Variants in RNASET2 observed in about 807,000 individuals in gnomAD.
The protein encoded by RNASET2 is ribonuclease 6.
A neutral mutation model predicts 33.9 loss-of-function variants in RNASET2; 28 were observed. The observed-to-expected ratio is 0.83, with a 90% CI of 0.61 to 1.13. The LOEUF (loss-of-function observed/expected upper bound fraction) is 1.13, where lower values mean the gene tolerates loss of function less well. Among genes scored for constraint, RNASET2 ranks in the 50% most tolerant of loss-of-function variants. The pLI, the probability that RNASET2 is intolerant of heterozygous loss-of-function variation, is 0.00. For synonymous variants in RNASET2, 123 were observed against 121.0 expected (o/e 1.02, Z -0.11); for missense variants, 330 against 319.9 (o/e 1.03, Z -0.24).
intron 2 of RNASET2, among the ~76,000 whole-genome samples, chr6:166,950,634 A>C (rs1778961089): frequency 6.6e-6 from 1 of 152,226 alleles, no homozygotes; most frequent in African/African-American, 2.4e-5. Context: ...CACACCGAGC[A>C]GGGTACGCCC....
At chr6:166,945,794 C>T (rs1437507882) in intron 4 of RNASET2, among the ~76,000 whole-genome samples, 4 of 146,764 alleles carry the variant, frequency 2.7e-5, no homozygotes, top group South Asian at 2.2e-4. Flanking sequence ...TGCGCCACTG[C>T]ACTCCAGCCT....
chr6:166,938,541 C>G (rs1194494351), intron 6 of RNASET2: 1 of 548,996 alleles, frequency 1.8e-6, no homozygotes, highest in Non-Finnish European at 3.7e-6. Context: ...TTCCGTCTTT[C>G]TAAGGAAACG....
At position 166,924,017 on chromosome 6, in the gene RNASET2, C is replaced by T. The variant is rs535291290; in HGVS notation, c.*5571G>A. On this transcript the variant is annotated 3_prime_UTR_variant, in exon 9 of 9. Transcript: ENST00000508775. ...AGTTCGCAGAAACAAAAAGTGAAAA[C>T]AGGCGATCTGCATGTTTCCTCATCT... is the stretch of plus-strand genomic sequence containing the variant. 1.6e-4 allele frequency among the ~76,000 whole-genome samples: 25 copies of T among 152,334 alleles called. No homozygotes were observed. Among genetic ancestry groups the T allele is most frequent in the Non-Finnish European group, 3.4e-4 (23 of 68,036 alleles).
intron 4 of RNASET2, among the ~76,000 whole-genome samples, chr6:166,945,843 A>AAAG (rs1554268874): frequency 1.3e-4 from 19 of 146,314 alleles, no homozygotes; most frequent in East Asian, 5.9e-4. Context: ...AAAAAAAAAA[A>AAAG]AAAAGAAAAG....
At chr6:166,948,756 A>G in intron 2 of RNASET2, 131 bp from the exon 3 acceptor site, 1 of 708,074 alleles carries the variant, frequency 1.4e-6, no homozygotes. Flanking sequence ...CACTAATAAC[A>G]CAAGCTAAAG....
chr6:166,944,843 C>G (rs1397116525), intron 4 of RNASET2, among the ~76,000 whole-genome samples: 1 of 152,070 alleles, frequency 6.6e-6, no homozygotes, highest in East Asian at 1.9e-4. Context: ...CGGGGCTCCA[C>G]CAGCACTGTC....
chr6:166,948,658 C>T lies in RNASET2; in HGVS notation c.148-33G>A, dbSNP rs1458365768. On this transcript the variant is annotated intron_variant, in intron 2 of 8. Transcript: ENST00000508775. Reference sequence around the variant, plus strand: ...GAAAATATAACAAGAAAATGATTGGCTCTTTGTTTATTCAAATACACTTAG... The same window carrying T: ...GAAAATATAACAAGAAAATGATTGGTTCTTTGTTTATTCAAATACACTTAG... 2.4e-6 allele frequency: 3 copies of T among 1,272,038 alleles called. No individual in the cohort carries two copies. The South Asian group carries it at 3.6e-5, about 15-fold the overall frequency. 78.8% of individuals were successfully genotyped at this position (1,272,038 alleles called of 1,614,324 possible).
At position 166,924,239 on chromosome 6, in the gene RNASET2, T is replaced by C. The variant is rs1376339259; in HGVS notation, c.*5349A>G. Among the ~76,000 whole-genome samples the C allele has an allele frequency of 6.6e-6, 1 of 152,190 alleles. No individual in the cohort carries two copies. Among genetic ancestry groups the C allele is most frequent in the Non-Finnish European group, 1.5e-5 (1 of 68,020 alleles). ...CCTCAGCCTCCCGAGTAGCTGGGACTACAGGTGCCCGCCACCATGCCCGGC... is the reference window on the plus strand; with the variant it reads ...CCTCAGCCTCCCGAGTAGCTGGGACCACAGGTGCCCGCCACCATGCCCGGC... On this transcript the variant is annotated 3_prime_UTR_variant, in exon 9 of 9. Coordinates refer to ENST00000508775, the MANE Select transcript of RNASET2 (RefSeq NM_003730.6).
In RNASET2 at chr6:166,931,193, G is replaced by A. The variant is rs562573577; in HGVS notation, c.493-75C>T. 4.6e-5 allele frequency: 48 copies of A among 1,054,312 alleles called. No individual in the cohort carries two copies. In the East Asian group the frequency reaches 7.1e-4, roughly 16 times the overall value. 65.3% of individuals were successfully genotyped at this position (1,054,312 alleles called of 1,614,324 possible). On this transcript the variant is annotated intron_variant, in intron 7 of 8. Transcript: ENST00000508775. Reference sequence around the variant, plus strand: ...CTGACAGTTCTGGACTATCCTGAGCGCAACAGTGGCAGGGTCCTGGTCTCC... The same window carrying A: ...CTGACAGTTCTGGACTATCCTGAGCACAACAGTGGCAGGGTCCTGGTCTCC...
intron 4 of RNASET2, among the ~76,000 whole-genome samples, chr6:166,944,738 A>G: frequency 6.6e-6 from 1 of 151,032 alleles, no homozygotes; most frequent in East Asian, 2.0e-4. Flanking sequence ...GGGGATATGC[A>G]GTCCTACGGT....
At chr6:166,930,610 A>ACATG (rs1778402790) in intron 8 of RNASET2, among the ~76,000 whole-genome samples, 1 of 150,876 alleles carries the variant, frequency 6.6e-6, no homozygotes, top group Non-Finnish European at 1.5e-5. Context: ...ACATGCATGT[A>ACATG]CATGCACACA....
intron 6 of RNASET2, 34 bp downstream of exon 6, chr6:166,938,861 C>T (rs1478536853): frequency 1.4e-6 from 2 of 1,480,562 alleles, no homozygotes; most frequent in South Asian, 1.1e-5. Context: ...GAGATCCCCA[C>T]TGGGAAGTGC....
chr6:166,931,291 T>A, intron 7 of RNASET2, 173 bp from the exon 8 acceptor site: 1 of 643,016 alleles, frequency 1.6e-6, no homozygotes, highest in Middle Eastern at 3.9e-4. Flanking sequence ...AAGCAGAGGA[T>A]GCTGTCAACC....
intron 7 of RNASET2, 96 bp from the exon 8 acceptor site, chr6:166,931,214 T>C (rs1778430572): frequency 2.2e-6 from 2 of 904,866 alleles, no homozygotes. Flanking sequence ...AGGGTCCTGG[T>C]CTCCCTTGGC....
chr6:166,955,343 ACACG>A (rs1225744438), intron 1 of RNASET2: 6 of 133,484 alleles, frequency 4.5e-5, no homozygotes, highest in South Asian at 1.0e-3. Flanking sequence ...ACGCACACGC[ACACG>A]CACGCACACA....
Position 166,955,235 on chromosome 6 carries a change from G to A in RNASET2, c.86+862C>T, listed in dbSNP as rs867409797. Among the ~76,000 whole-genome samples, 246 of 95,408 alleles carry A rather than the reference G, an allele frequency of 2.6e-3. 2 individuals are homozygous for A. Among genetic ancestry groups the A allele is most frequent in the African/African-American group, 9.2e-3 (185 of 20,168 alleles). The allele number at this position is 95,408 out of a possible 152,430, so 62.6% of individuals were successfully genotyped here. On this transcript the variant is annotated intron_variant, in intron 1 of 8. Coordinates refer to ENST00000508775, the MANE Select transcript of RNASET2 (RefSeq NM_003730.6). ...CACGCACACACGCGCACACACGCAC[G>A]CACGCACACACACGCACACACGCAC...
intron 6 of RNASET2, among the ~76,000 whole-genome samples, chr6:166,936,866 T>C (rs1019054919): frequency 2.6e-5 from 4 of 152,342 alleles, no homozygotes; most frequent in Admixed American, 2.0e-4. Context: ...ATGAATTATT[T>C]AGATGATTGA....
intron 4 of RNASET2, among the ~76,000 whole-genome samples, chr6:166,945,849 A>C (rs1048604021): frequency 1.3e-5 from 2 of 150,576 alleles, no homozygotes; most frequent in Non-Finnish European, 3.0e-5. Flanking sequence ...AAAAAAAAAG[A>C]AAAGAAAAGA....
At chr6:166,930,398 A>T (rs1487657474) in intron 8 of RNASET2, among the ~76,000 whole-genome samples, 1 of 152,046 alleles carries the variant, frequency 6.6e-6, no homozygotes, top group Non-Finnish European at 1.5e-5. Flanking sequence ...GTACATGAAC[A>T]TGTTCATATG....
Sources: allele counts gnomAD v4.1 joint callset (sites outside exome capture counted in the v4.1 genomes callset), GRCh38; gene constraint gnomAD v4.1.1; transcripts MANE v1.5; gene names NCBI Gene and HGNC (gene_info 2026-07-23, HGNC 2026-07-21).